Variants in RIC3 observed in about 807,000 individuals in gnomAD.
RIC3 encodes protein RIC-3.
Under a neutral mutation model 27.3 loss-of-function variants are expected in RIC3, and 28 were observed. The ratio of observed to expected loss-of-function variants is 1.02; its 90% CI spans 0.76 to 1.41. RIC3 has a LOEUF of 1.41. RIC3 is among the 40% of genes most tolerant of loss of function. RIC3 has a pLI of 0.00. For missense variants in RIC3, 501 were observed against 444.7 expected (o/e 1.13, Z -1.14); for synonymous variants, 184 against 160.4 (o/e 1.15, Z -1.11).
the RIC3 span, chr11:8,098,930 C>T: frequency 7.7e-7 from 1 of 1,293,664 alleles, no homozygotes; most frequent in Non-Finnish European, 1.1e-6. Context: ...AAATCCAGGA[C>T]TTGATGCCTG....
chr11:8,104,060 C>T (rs1055051460), downstream of RIC3: 1 of 152,350 alleles, frequency 6.6e-6, no homozygotes, highest in South Asian at 2.1e-4. Context: ...TCCTGGTGAT[C>T]CTGGTTTTCC....
chr11:8,151,374 T>A (rs1481112535), intron 1 of RIC3, among the ~76,000 whole-genome samples: 2 of 150,608 alleles, frequency 1.3e-5, no homozygotes, highest in Admixed American at 1.3e-4. Context: ...GATCACGAGG[T>A]CAGGAGATCG....
chr11:8,139,754 T>A (rs1308921743), intron 2 of RIC3: 2 of 544,950 alleles, frequency 3.7e-6, no homozygotes, highest in Non-Finnish European at 6.4e-6. Flanking sequence ...GTTGTGAATT[T>A]TGGGGCAAAA....
the RIC3 span, among the ~76,000 whole-genome samples, chr11:8,096,466 CAT>C: frequency 6.6e-6 from 1 of 152,140 alleles, no homozygotes; most frequent in African/African-American, 2.4e-5. Flanking sequence ...AGCCCCGGCT[CAT>C]GTGTGTACCT....
In RIC3 at chr11:8,137,419, G is replaced by A; in HGVS notation, c.480C>T (p.Ala160=). The A allele has an allele frequency of 5.0e-6, 8 of 1,614,040 alleles. No homozygotes were observed. Among genetic ancestry groups the A allele is most frequent in the Non-Finnish European group, 6.8e-6 (8 of 1,180,016 alleles). ...LQEKLKETEA[A]MEKLINRVGP... is the part of the protein sequence containing the mutation. ...CCACTCTGTTGATTAATTTTTCCAT[G>A]GCTGCTTCTGTCTCCTTCAGTTTTT... The change falls in exon 4 of 6, where the codon GCC becomes GCT. Residue 160 remains alanine, a synonymous_variant. Coordinates refer to ENST00000309737, the MANE Select transcript of RIC3 (RefSeq NM_001206671.4).
chr11:8,097,720 C>T, the RIC3 span: 1 of 1,613,348 alleles, frequency 6.2e-7, no homozygotes, highest in South Asian at 1.1e-5. Context: ...CAAGGTGTTC[C>T]TCCTGGCGGG....
chr11:8,134,337 A>G (rs1237486304), intron 4 of RIC3, among the ~76,000 whole-genome samples: 2 of 152,186 alleles, frequency 1.3e-5, no homozygotes, highest in Non-Finnish European at 2.9e-5. Flanking sequence ...ATCATTTTTT[A>G]TGGCTGCATA....
chr11:8,118,884 A>T (rs902571718), intron 5 of RIC3, among the ~76,000 whole-genome samples: 1 of 149,044 alleles, frequency 6.7e-6, no homozygotes, highest in Non-Finnish European at 1.5e-5. Flanking sequence ...AAAAAAAAAG[A>T]AAAAATAGCA....
chr11:8,165,580 G>A (rs1951603576), intron 1 of RIC3, among the ~76,000 whole-genome samples: 1 of 152,060 alleles, frequency 6.6e-6, no homozygotes, highest in Non-Finnish European at 1.5e-5. Flanking sequence ...GTTTCTTTGG[G>A]GGCTGAAGAA....
chr11:8,167,438 G>C (rs1951796715), intron 1 of RIC3, among the ~76,000 whole-genome samples: 2 of 152,116 alleles, frequency 1.3e-5, no homozygotes, highest in Non-Finnish European at 2.9e-5. Flanking sequence ...GAAGGGCACT[G>C]AGGGAAAAGC....
At chr11:8,098,682 T>C in the RIC3 span, 30 of 1,137,710 alleles carry the variant, frequency 2.6e-5, no homozygotes, top group Admixed American at 2.4e-4. Context: ...AGGCTCCTCA[T>C]AGGACAGACG....
At position 8,108,683 on chromosome 11, in the gene RIC3, G is replaced by T. The variant is rs1944926895; in HGVS notation, c.*2015C>A. ...TCACGATCCTGAGCCCTCTTACAGG[G>T]TCATAGTTCATTTTATCTGTCAGGC... On this transcript the variant is annotated 3_prime_UTR_variant, in exon 6 of 6. Transcript: ENST00000309737. The T allele has an allele frequency of 6.6e-6, 1 of 152,152 alleles. No individual in the cohort carries two copies. The highest frequency in any genetic ancestry group is 2.4e-5 in the African/African-American group (1 of 41,410). The allele number at this position is 152,152 out of a possible 1,614,324, so 9.4% of individuals were successfully genotyped here.
intron 1 of RIC3, among the ~76,000 whole-genome samples, chr11:8,147,058 T>C (rs1338356459): frequency 6.6e-6 from 1 of 152,244 alleles, no homozygotes; most frequent in East Asian, 1.9e-4. Context: ...GATGCATATC[T>C]GATTGCCTCC....
the RIC3 span, chr11:8,096,920 T>A: frequency 7.9e-7 from 1 of 1,265,820 alleles, no homozygotes; most frequent in Non-Finnish European, 1.1e-6. Context: ...TCTGCTGGCC[T>A]CTTATGTCCC....
At chr11:8,094,321 T>C in the RIC3 span, 31 of 1,222,860 alleles carry the variant, frequency 2.5e-5, no homozygotes, top group Non-Finnish European at 3.4e-5. Context: ...ACTGCCACTC[T>C]GGGCACCCCC....
the RIC3 span, chr11:8,098,994 G>A: frequency 1.3e-6 from 1 of 779,798 alleles, no homozygotes; most frequent in Non-Finnish European, 2.2e-6. Flanking sequence ...TGTGGAGAGG[G>A]GCTGTCCTCT....
At chr11:8,150,174 G>T (rs373381670) in intron 1 of RIC3, among the ~76,000 whole-genome samples, 6 of 152,238 alleles carry the variant, frequency 3.9e-5, no homozygotes, top group Middle Eastern at 3.4e-3. Context: ...CCCTCCAAGT[G>T]TATGTTTTTG....
At chr11:8,126,200 GCTC>G (rs375780833) in intron 5 of RIC3, among the ~76,000 whole-genome samples, 30 of 152,178 alleles carry the variant, frequency 2.0e-4, no homozygotes, top group East Asian at 1.2e-3. Flanking sequence ...TAACCCAAAC[GCTC>G]CTCAACTGGT....
intron 1 of RIC3, among the ~76,000 whole-genome samples, chr11:8,155,296 C>T (rs1950570034): frequency 1.3e-5 from 2 of 151,880 alleles, no homozygotes; most frequent in Admixed American, 1.3e-4. Context: ...TGGATTCTGG[C>T]CAGGTGAGGT....
Sources: allele counts gnomAD v4.1 joint callset (sites outside exome capture counted in the v4.1 genomes callset), GRCh38; gene constraint gnomAD v4.1.1; transcripts MANE v1.5; gene names NCBI Gene and HGNC (gene_info 2026-07-23, HGNC 2026-07-21).